PTPRD: variants seen among roughly 807,000 people sequenced by gnomAD.
PTPRD encodes the protein protein tyrosine phosphatase receptor type D, also known as receptor-type tyrosine-protein phosphatase delta.
Under a neutral mutation model 214.5 loss-of-function variants are expected in PTPRD, and 34 were observed. That is an observed-to-expected ratio of 0.16 (90% confidence interval 0.12 to 0.21). The LOEUF (loss-of-function observed/expected upper bound fraction) is 0.21. Ranked by LOEUF, PTPRD falls within the 10% of genes least tolerant of loss-of-function variation. PTPRD has a pLI of 1.00. For synonymous variants in PTPRD, 1,128 were observed against 845.7 expected, an observed-to-expected ratio of 1.33 and a Z score of -5.79; for missense variants, 2,545 against 2,398.7, an observed-to-expected ratio of 1.06 and a Z score of -1.27.
At chr9:9,187,876 G>A (rs1204856922) in intron 9 of PTPRD, among the ~76,000 whole-genome samples, 1 of 151,484 alleles carries the variant, frequency 6.6e-6, no homozygotes, top group African/African-American at 2.4e-5. Flanking sequence ...AGGACTTCTT[G>A]GAATCCTGAG....
intron 5 of PTPRD, among the ~76,000 whole-genome samples, chr9:9,783,073 A>G (rs977756166): frequency 6.6e-6 from 1 of 152,166 alleles, no homozygotes; most frequent in South Asian, 2.1e-4. Context: ...AATTCTTCCA[A>G]GATTATCAGT....
At chr9:10,046,041 T>C (rs78966442) in intron 3 of PTPRD, among the ~76,000 whole-genome samples, 1,821 of 151,840 alleles carry the variant, frequency 0.012, 16 homozygotes, top group Non-Finnish European at 0.016. Flanking sequence ...ATATGAGGCA[T>C]GATAAGCTAC....
chr9:10,065,140 T>TAAGAAAGAAAGA (rs1567443905), intron 3 of PTPRD, among the ~76,000 whole-genome samples: 1 of 8,384 alleles, frequency 1.2e-4, no homozygotes, highest in Non-Finnish European at 2.7e-4. Context: ...GTGACTTGGA[T>TAAGAAAGAAAGA]TAGAAAGAAA....
At chr9:10,571,010 G>A (rs773694899) in intron 2 of PTPRD, among the ~76,000 whole-genome samples, 7 of 151,962 alleles carry the variant, frequency 4.6e-5, no homozygotes, top group Non-Finnish European at 8.8e-5. Context: ...AGAAGGTCAT[G>A]CTGCTGGTTT....
chr9:9,393,269 G>C (rs1170902262), intron 9 of PTPRD, among the ~76,000 whole-genome samples: 1 of 152,096 alleles, frequency 6.6e-6, no homozygotes, highest in African/African-American at 2.4e-5. Flanking sequence ...CTCTGGGTTT[G>C]TTCATATAAC....
At chr9:9,678,618 G>A (rs746966408) in intron 7 of PTPRD, among the ~76,000 whole-genome samples, 3 of 151,754 alleles carry the variant, frequency 2.0e-5, no homozygotes, top group Non-Finnish European at 4.4e-5. Context: ...AGCATCATTT[G>A]GCAACTTTGG....
intron 39 of PTPRD, among the ~76,000 whole-genome samples, chr9:8,364,120 A>C (rs188976132): frequency 1.1e-4 from 17 of 152,382 alleles, no homozygotes; most frequent in Admixed American, 9.1e-4. Flanking sequence ...AGAAATATAA[A>C]TGATTCCAGC....
chr9:9,245,511 T>C (rs945350113), intron 9 of PTPRD, among the ~76,000 whole-genome samples: 3 of 151,942 alleles, frequency 2.0e-5, no homozygotes, highest in East Asian at 1.9e-4. Context: ...CAGCAAACTA[T>C]TGCAAGGACA....
rs532595124 is a variant in PTPRD, at chr9:10,029,658, C to T, written c.-472+4060G>A. On this transcript the variant is annotated intron_variant, in intron 4 of 45. Transcript: ENST00000381196. ...CTGTATTTCCCCAGTGCCTGTATCC[C>T]TATTGTACCTAGGAAGTAACTAATT... Among the ~76,000 whole-genome samples the T allele has an allele frequency of 2.0e-5, 3 of 152,312 alleles. No homozygotes were observed. In the South Asian group the frequency reaches 6.2e-4, roughly 32 times the overall value.
intron 3 of PTPRD, among the ~76,000 whole-genome samples, chr9:10,051,601 T>TC (rs71485313): frequency 1.4e-5 from 2 of 144,436 alleles, no homozygotes; most frequent in African/African-American, 5.0e-5. Context: ...CCCTCCCCAC[T>TC]CCCCCCACCC....
chr9:9,272,481 G>A (rs13301781), intron 9 of PTPRD, among the ~76,000 whole-genome samples: 14,748 of 151,132 alleles, frequency 0.098, 765 homozygotes, highest in Middle Eastern at 0.18. Flanking sequence ...CACATCCCCC[G>A]ATCCTGATCA....
At chr9:9,538,682 T>A (rs1037169225) in intron 8 of PTPRD, among the ~76,000 whole-genome samples, 3 of 151,884 alleles carry the variant, frequency 2.0e-5, no homozygotes, top group African/African-American at 7.2e-5. Flanking sequence ...AATAAAAATA[T>A]TGATGCATTT....
chr9:8,720,346 A>G (rs537968836), intron 12 of PTPRD, among the ~76,000 whole-genome samples: 2 of 152,332 alleles, frequency 1.3e-5, no homozygotes, highest in African/African-American at 2.4e-5. Context: ...AGGCTGCTGA[A>G]GGGCCAGGCC....
chr9:9,902,847 C>G (rs2076716257), intron 5 of PTPRD, among the ~76,000 whole-genome samples: 1 of 152,068 alleles, frequency 6.6e-6, no homozygotes, highest in Non-Finnish European at 1.5e-5. Flanking sequence ...TGCGTTTGGA[C>G]ATTTAGGTGA....
intron 7 of PTPRD, among the ~76,000 whole-genome samples, chr9:9,706,212 C>T (rs543900393): frequency 5.3e-5 from 8 of 151,970 alleles, no homozygotes; most frequent in African/African-American, 1.9e-4. Flanking sequence ...AAAAGAAAAC[C>T]CCAATCTGTT....
chr9:8,761,456 T>C (rs1360995579), intron 11 of PTPRD, among the ~76,000 whole-genome samples: 1 of 152,230 alleles, frequency 6.6e-6, no homozygotes, highest in African/African-American at 2.4e-5. Context: ...ATATGGTTAC[T>C]GTTTATAATG....
intron 4 of PTPRD, among the ~76,000 whole-genome samples, chr9:9,972,036 G>A (rs2095130767): frequency 6.6e-6 from 1 of 151,976 alleles, no homozygotes; most frequent in Non-Finnish European, 1.5e-5. Flanking sequence ...TTCTTCATCT[G>A]AATGAATTGC....
chr9:8,537,988 T>C (rs959930920), intron 14 of PTPRD, among the ~76,000 whole-genome samples: 13 of 151,898 alleles, frequency 8.6e-5, no homozygotes, highest in African/African-American at 2.9e-4. Flanking sequence ...AATAAACGCA[T>C]TGAGAAAAAA....
At chr9:10,238,449 T>C (rs1406431521) in intron 3 of PTPRD, among the ~76,000 whole-genome samples, 1 of 151,814 alleles carries the variant, frequency 6.6e-6, no homozygotes. Context: ...CTTCCAACCT[T>C]CTCCTTGTTC....
Sources: gnomAD v4.1 joint callset for allele counts (sites outside exome capture counted in the v4.1 genomes callset) on GRCh38, gnomAD v4.1.1 for gene constraint, MANE v1.5 for transcripts, NCBI Gene and HGNC (gene_info 2026-07-23, HGNC 2026-07-21) for gene names.